FBN2: variants seen among roughly 807,000 people sequenced by gnomAD.
The protein encoded by FBN2 is fibrillin-2.
Under a neutral mutation model 355.6 loss-of-function variants are expected in FBN2, and 105 were observed. The ratio of observed to expected loss-of-function variants is 0.30; its 90% CI spans 0.25 to 0.35. The LOEUF (loss-of-function observed/expected upper bound fraction) is 0.35, where lower values mean the gene tolerates loss of function less well. FBN2 is among the 10% of genes least tolerant of loss of function. FBN2 has a pLI of 1.00. For missense variants in FBN2, 3,280 were observed against 3,758.7 expected (o/e 0.87, Z 3.33); for synonymous variants, 1,350 against 1,301.2 (o/e 1.04, Z -0.81).
chr5:128,480,847 T>C (rs1755164275), intron 5 of FBN2, among the ~76,000 whole-genome samples: 1 of 152,208 alleles, frequency 6.6e-6, no homozygotes, highest in Non-Finnish European at 1.5e-5. Flanking sequence ...CGTTATTTCA[T>C]TATGTCATGA....
intron 48 of FBN2, among the ~76,000 whole-genome samples, chr5:128,292,280 T>A (rs1410334826): frequency 6.6e-6 from 1 of 152,154 alleles, no homozygotes; most frequent in Admixed American, 6.6e-5. Flanking sequence ...GACAGTGTTA[T>A]CATTTCCCCC....
chr5:128,418,485 T>A (rs990343963), intron 7 of FBN2, among the ~76,000 whole-genome samples: 1 of 152,176 alleles, frequency 6.6e-6, no homozygotes, highest in Non-Finnish European at 1.5e-5. Flanking sequence ...TATTTATTGC[T>A]ACAAACTTTC....
At chr5:128,327,572 A>T (rs1250617737) in intron 34 of FBN2, among the ~76,000 whole-genome samples, 50 of 138,120 alleles carry the variant, frequency 3.6e-4, no homozygotes, top group East Asian at 1.4e-3. Context: ...GCAGTTAGGT[A>T]TTTTTTTTTT....
intron 20 of FBN2, among the ~76,000 whole-genome samples, chr5:128,353,044 A>C (rs1751409087): frequency 6.6e-6 from 1 of 151,980 alleles, no homozygotes; most frequent in Non-Finnish European, 1.5e-5. Context: ...GTGATGGCAC[A>C]TGCCTGTAGT....
At chr5:128,334,069 C>T (rs1281417338) in intron 31 of FBN2, among the ~76,000 whole-genome samples, 2 of 152,012 alleles carry the variant, frequency 1.3e-5, no homozygotes, top group Admixed American at 1.3e-4. Context: ...ACCTTGACCC[C>T]GGCACATCCT....
chr5:128,307,393 A>G (rs986890668), intron 41 of FBN2, among the ~76,000 whole-genome samples, 190 bp from the exon 42 acceptor site: 1 of 152,094 alleles, frequency 6.6e-6, no homozygotes, highest in Non-Finnish European at 1.5e-5. Flanking sequence ...TACCATTATT[A>G]TCATTGTTAT....
intron 7 of FBN2, chr5:128,441,970 T>A (rs1753933327): frequency 6.5e-6 from 1 of 153,688 alleles, no homozygotes; most frequent in Non-Finnish European, 1.4e-5. Context: ...ATTAATATAC[T>A]TTATGTAATA....
At chr5:128,359,013 T>G (rs1320351620) in intron 19 of FBN2, among the ~76,000 whole-genome samples, 3 of 151,976 alleles carry the variant, frequency 2.0e-5, no homozygotes, top group African/African-American at 7.2e-5. Flanking sequence ...GAAATAAACT[T>G]CAAAGCACAT....
chr5:128,374,798 G>A (rs1376176550), intron 14 of FBN2, 48 bp from the exon 15 acceptor site: 27 of 1,608,988 alleles, frequency 1.7e-5, no homozygotes, highest in Admixed American at 3.3e-5. Flanking sequence ...TAAATTTAAC[G>A]TTATTACAGG....
chr5:128,344,337 A>G, intron 25 of FBN2, 48 bp downstream of exon 25: 1 of 1,604,854 alleles, frequency 6.2e-7, no homozygotes, highest in Non-Finnish European at 8.5e-7. Flanking sequence ...AACAGAGTAA[A>G]GGAAAGACAG....
At position 128,280,193 on chromosome 5, in the gene FBN2, A is replaced by C. The variant is rs765676702; in HGVS notation, c.7137T>G (p.Leu2379=). 2.9e-5 allele frequency: 47 copies of C among 1,611,726 alleles called. No homozygotes were observed. The highest frequency in any genetic ancestry group is 3.9e-5 in the Non-Finnish European group (46 of 1,178,384). ...FQSSSSGTEC[L]DNRQGLCFAE... The stretch of plus-strand genomic sequence containing the variant: ...TAATATATTTGGATGTCAACTTACC[A>C]AGGCATTCAGTGCCTGAAGAACTTG... Residue 2379 remains leucine (L), a splice_region_variant and synonymous_variant, in exon 56 of 65, where the codon CTT becomes CTG. Transcript: ENST00000262464.
chr5:128,482,307 G>A (rs1486013238), intron 5 of FBN2, among the ~76,000 whole-genome samples: 1 of 152,000 alleles, frequency 6.6e-6, no homozygotes, highest in African/African-American at 2.4e-5. Flanking sequence ...CCCAGCAAGA[G>A]GACGATGAAG....
chr5:128,359,409 G>A (rs779524152), intron 19 of FBN2, among the ~76,000 whole-genome samples: 6 of 152,024 alleles, frequency 3.9e-5, no homozygotes, highest in Admixed American at 6.6e-5. Flanking sequence ...ATAAGAAAGC[G>A]ACCCAAGGGA....
Position 128,466,083 on chromosome 5 carries a change from C to A in FBN2, c.629-1162G>T, listed in dbSNP as rs139549950. 2.0e-5 allele frequency among the ~76,000 whole-genome samples: 3 copies of A among 152,296 alleles called. No homozygotes were observed. The East Asian group carries it at 5.8e-4, about 29-fold the overall frequency. ...GATGATCGGTGAAACAGAACTGAATCATGAACTAAATAAATTTTAATTTCA... is the reference window on the plus strand; with the variant it reads ...GATGATCGGTGAAACAGAACTGAATAATGAACTAAATAAATTTTAATTTCA... On this transcript the variant is annotated intron_variant, in intron 5 of 64. Coordinates refer to ENST00000262464, the MANE Select transcript of FBN2 (RefSeq NM_001999.4).
rs1750426788 is a variant in FBN2, at chr5:128,322,993, T to C, written c.4472-3992A>G. On this transcript the variant is annotated intron_variant, in intron 34 of 64. Transcript: ENST00000262464. ...CCTTTAAGAGGCCCTTCACATCCCT[T>C]GTAAGTTGTATTCCTATGTATTTTA... is the stretch of plus-strand genomic sequence containing the variant. Among the ~76,000 whole-genome samples the C allele has an allele frequency of 1.3e-5, 2 of 152,176 alleles. 1 individual carries two copies. The highest frequency in any genetic ancestry group is 4.1e-4 in the South Asian group (2 of 4,826).
At chr5:128,536,319 G>A (rs1050491880) in intron 2 of FBN2, 83 bp downstream of exon 2, 1 of 1,039,056 alleles carries the variant, frequency 9.6e-7, no homozygotes, top group Middle Eastern at 2.1e-4. Context: ...GCAACTATGC[G>A]TCCAAATGGC....
At chr5:128,318,050 A>T in intron 36 of FBN2, 99 bp downstream of exon 36, 1 of 1,283,704 alleles carries the variant, frequency 7.8e-7, no homozygotes, top group Non-Finnish European at 1.1e-6. Flanking sequence ...TTTTGTTTTT[A>T]AGTTAACTGT....
At chr5:128,292,143 A>G (rs1368543590) in intron 48 of FBN2, among the ~76,000 whole-genome samples, 2 of 152,226 alleles carry the variant, frequency 1.3e-5, no homozygotes, top group African/African-American at 2.4e-5. Context: ...CAGTCTCTCA[A>G]CTGATGTCTA....
chr5:128,519,249 G>T lies in FBN2; in HGVS notation c.628+24C>A, dbSNP rs756217429. On this transcript the variant is annotated intron_variant, in intron 5 of 64. Transcript: ENST00000262464. The stretch of plus-strand genomic sequence containing the variant: ...ACAATAAAATAGACTTCTTCAGAAA[G>T]TAAAGTCTCATTTCTCTTCTTACCT... 6 of 1,511,048 alleles carry T rather than the reference G, an allele frequency of 4.0e-6. No individual in the cohort carries two copies. In the East Asian group the frequency reaches 1.4e-4, roughly 34 times the overall value. The allele number at this position is 1,511,048 out of a possible 1,614,324, so 93.6% of individuals were successfully genotyped here.
Sources: gnomAD v4.1 joint callset for allele counts (sites outside exome capture counted in the v4.1 genomes callset) on GRCh38, gnomAD v4.1.1 for gene constraint, MANE v1.5 for transcripts, NCBI Gene and HGNC (gene_info 2026-07-23, HGNC 2026-07-21) for gene names.